Variants in PLCE1 observed in about 807,000 individuals in gnomAD.
PLCE1 encodes the protein phospholipase C epsilon 1.
In PLCE1, 119 loss-of-function variants were observed where a neutral mutation model predicts 242.8. That is an observed-to-expected ratio of 0.49 (90% CI 0.42 to 0.57). The LOEUF is 0.57. Among genes scored for constraint, PLCE1 ranks in the 20% least tolerant of loss-of-function variants. The probability of loss-of-function intolerance (pLI) is 0.00; values close to 1 mark genes in which losing one functional copy is unlikely to be tolerated. For synonymous variants in PLCE1, 945 were observed against 1,017.4 expected (o/e 0.93, Z 1.35); for missense variants, 2,441 against 2,788.8 (o/e 0.88, Z 2.81).
chr10:94,226,829 G>GTA, intron 4 of PLCE1, among the ~76,000 whole-genome samples: 1 of 87,726 alleles, frequency 1.1e-5, no homozygotes. Context: ...GGACCTATAG[G>GTA]TCTTTTTTTT....
chr10:94,143,973 C>A (rs2047044033), intron 3 of PLCE1, among the ~76,000 whole-genome samples: 1 of 152,182 alleles, frequency 6.6e-6, no homozygotes, highest in East Asian at 1.9e-4. Flanking sequence ...GTATTTTGCC[C>A]CTGTTTATAC....
At chr10:94,116,312 A>G (rs1446579388) in intron 2 of PLCE1, among the ~76,000 whole-genome samples, 1 of 152,158 alleles carries the variant, frequency 6.6e-6, no homozygotes, top group African/African-American at 2.4e-5. Context: ...ATGATGTTTA[A>G]CATTCTGTGT....
chr10:94,319,670 C>A (rs528344481), intron 29 of PLCE1, among the ~76,000 whole-genome samples: 1 of 152,198 alleles, frequency 6.6e-6, no homozygotes, highest in East Asian at 1.9e-4. Context: ...AATCTATATA[C>A]AAACTACCCT....
chr10:94,313,180 G>A (rs2053443575), intron 27 of PLCE1, 74 bp from the exon 28 acceptor site: 5 of 1,559,220 alleles, frequency 3.2e-6, no homozygotes, highest in Non-Finnish European at 4.4e-6. Flanking sequence ...CTAAGTACTA[G>A]CACCTCTGTA....
intron 2 of PLCE1, among the ~76,000 whole-genome samples, chr10:94,126,008 G>T (rs79638899): frequency 1.2e-4 from 19 of 152,276 alleles, no homozygotes; most frequent in Non-Finnish European, 2.4e-4. Flanking sequence ...TTCAGCCTCA[G>T]TATGCTTGTT....
In PLCE1 at chr10:94,031,032, G is replaced by A. The variant is rs766473869; in HGVS notation, c.-15G>A. 6.2e-7 allele frequency: 1 copy of A among 1,613,304 alleles called. No homozygotes were observed. Among genetic ancestry groups the A allele is most frequent in the East Asian group, 2.2e-5 (1 of 44,864 alleles). ...AAAAATAGAGCAATAGTCAAAACCT[G>A]TGTGTTAGTCCAAGATGACTTCTGA... is the stretch of plus-strand genomic sequence containing the variant. On this transcript the variant is annotated 5_prime_UTR_variant, in exon 2 of 33. It adds an upstream start codon to the 5' untranslated region. Coordinates refer to ENST00000371380, the MANE Select transcript of PLCE1 (RefSeq NM_016341.4).
chr10:94,119,795 A>T (rs2046248139), intron 2 of PLCE1, among the ~76,000 whole-genome samples: 4 of 152,042 alleles, frequency 2.6e-5, no homozygotes, highest in Non-Finnish European at 1.5e-5. Context: ...AAGCTCTTTT[A>T]CTCATTATTT....
At position 94,179,512 on chromosome 10, in the gene PLCE1, G is replaced by GTTTTTTGTTTTTTT. The variant is rs1554877548; in HGVS notation, c.1809+8022_1809+8023insGTTTTTTTTTTTTT. On this transcript the variant is annotated intron_variant, in intron 4 of 32. Coordinates refer to ENST00000371380, the MANE Select transcript of PLCE1 (RefSeq NM_016341.4). ...TTTATCTTATTTTTATTTTAGTTTA[G>GTTTTTTGTTTTTTT]TTTTTTTTTTTTTTTTTTGACAGGG... Among the ~76,000 whole-genome samples the GTTTTTTGTTTTTTT allele has an allele frequency of 6.7e-3, 129 of 19,382 alleles. 3 individuals are homozygous for GTTTTTTGTTTTTTT. Among genetic ancestry groups the GTTTTTTGTTTTTTT allele is most frequent in the African/African-American group, 0.019 (119 of 6,274 alleles). 12.7% of individuals were successfully genotyped at this position (19,382 alleles called of 152,430 possible). A position where few individuals can be genotyped will look rare whatever the true frequency, so the allele number is the denominator to read the frequency against.
intron 2 of PLCE1, among the ~76,000 whole-genome samples, chr10:94,079,847 C>G (rs1223611232): frequency 6.6e-6 from 1 of 152,146 alleles, no homozygotes; most frequent in Non-Finnish European, 1.5e-5. Flanking sequence ...CGAGGTTTCT[C>G]CAAAAAGCAT....
intron 3 of PLCE1, among the ~76,000 whole-genome samples, chr10:94,158,521 A>G (rs927351281): frequency 6.6e-6 from 1 of 152,146 alleles, no homozygotes; most frequent in Non-Finnish European, 1.5e-5. Context: ...AAATTTCCCA[A>G]TGTGGGTAGG....
chr10:94,103,901 C>A (rs1483321421), intron 2 of PLCE1, among the ~76,000 whole-genome samples: 2 of 152,232 alleles, frequency 1.3e-5, no homozygotes, highest in Admixed American at 1.3e-4. Flanking sequence ...TTCGGGTCTA[C>A]CAACAAACTA....
chr10:94,224,635 A>G (rs2049877948), intron 4 of PLCE1, among the ~76,000 whole-genome samples: 1 of 152,190 alleles, frequency 6.6e-6, no homozygotes, highest in Admixed American at 6.5e-5. Context: ...TTTCCAACTC[A>G]AAGAGTCAGT....
At chr10:94,322,171 C>A in intron 30 of PLCE1, 112 bp downstream of exon 30, 1 of 993,854 alleles carries the variant, frequency 1.0e-6, no homozygotes, top group Non-Finnish European at 1.6e-6. Flanking sequence ...ACAACAGGGA[C>A]CTCAAAGGGG....
intron 4 of PLCE1, chr10:94,225,244 A>G (rs186851391): frequency 2.0e-5 from 3 of 152,158 alleles, no homozygotes; most frequent in African/African-American, 7.2e-5. Flanking sequence ...GCAACCATTC[A>G]TTTTGTTTTT....
intron 7 of PLCE1, 125 bp downstream of exon 7, chr10:94,236,245 G>C: frequency 1.3e-6 from 1 of 742,852 alleles, no homozygotes; most frequent in Non-Finnish European, 2.4e-6. Flanking sequence ...TTATCATTAA[G>C]CCACACTTCT....
intron 5 of PLCE1, among the ~76,000 whole-genome samples, chr10:94,231,284 C>A (rs960451202): frequency 6.6e-6 from 1 of 152,136 alleles, no homozygotes; most frequent in Non-Finnish European, 1.5e-5. Flanking sequence ...CAGTGAGAAC[C>A]ATGTCTCATT....
At chr10:94,122,845 T>A (rs1338941734) in intron 2 of PLCE1, among the ~76,000 whole-genome samples, 1 of 152,236 alleles carries the variant, frequency 6.6e-6, no homozygotes, top group Non-Finnish European at 1.5e-5. Flanking sequence ...GAGTTTTTGA[T>A]TCAGTAGGCC....
Position 94,236,072 on chromosome 10 carries a change from A to G in PLCE1, c.2372A>G (p.Glu791Gly). 1 of 1,614,058 alleles carries G rather than the reference A, an allele frequency of 6.2e-7. No homozygotes were observed. Among genetic ancestry groups the G allele is most frequent in the Non-Finnish European group, 8.5e-7 (1 of 1,179,978 alleles). The part of the protein sequence containing the change: ...LETDEEDSPS[E>G]GNSSRKSSLK... ...ACAGACGAGGAGGACAGCCCCAGTG[A>G]AGGAAACAGCTCCAGGAAAAGCTCC... Residue 791 changes from glutamate to glycine, a missense_variant, in exon 7 of 33, where the codon GAA (glutamate) becomes GGA (glycine). This residue lies in a region of PLCE1 where 733 missense variants were observed against 754.2 expected (regional missense o/e 0.97). Coordinates refer to ENST00000371380, the MANE Select transcript of PLCE1 (RefSeq NM_016341.4).
intron 20 of PLCE1, among the ~76,000 whole-genome samples, chr10:94,281,892 T>C (rs1234366930): frequency 6.6e-6 from 1 of 151,778 alleles, no homozygotes; most frequent in Non-Finnish European, 1.5e-5. Flanking sequence ...ATGCCTTTGA[T>C]TATTGTTGTG....
Sources: gnomAD v4.1 joint callset for allele counts (sites outside exome capture counted in the v4.1 genomes callset) on GRCh38, gnomAD v4.1.1 for gene constraint, gnomAD v4.1.1 regional missense constraint, MANE v1.5 for transcripts, NCBI Gene and HGNC (gene_info 2026-07-23, HGNC 2026-07-21) for gene names.